IDNK: variants seen among roughly 807,000 people sequenced by gnomAD.
IDNK encodes the protein IDNK gluconokinase.
IDNK carries 9 observed loss-of-function variants against 13.0 expected under a neutral mutation model. That is an observed-to-expected ratio of 0.69 (90% CI 0.42 to 1.21). The LOEUF is 1.21. IDNK is among the 50% of genes most tolerant of loss of function. The pLI, the probability that IDNK is intolerant of heterozygous loss-of-function variation, is 0.00. For missense variants in IDNK, 210 were observed against 237.8 expected (o/e 0.88, Z 0.77); for synonymous variants, 92 against 94.9 (o/e 0.97, Z 0.18).
rs1830902449 is a variant in IDNK, at chr9:83,627,878, A to T, written c.51-303A>T. On this transcript the variant is annotated intron_variant, in intron 1 of 4. Transcript: ENST00000376419. ...CAAAAAAAAAAAAAAAAAAAAAAAA[A>T]TTACACAACAGGGACCAAAAACTGA... 4.6e-5 allele frequency: 4 copies of T among 87,032 alleles called. 1 individual carries two copies. Among genetic ancestry groups the T allele is most frequent in the African/African-American group, 7.0e-5 (1 of 14,348 alleles). The allele number at this position is 87,032 out of a possible 1,614,324, so 5.4% of individuals were successfully genotyped here. A position where few individuals can be genotyped will look rare whatever the true frequency, so the allele number is the denominator to read the frequency against.
intron 3 of IDNK, among the ~76,000 whole-genome samples, chr9:83,638,057 G>GA (rs1243609838): frequency 6.6e-6 from 1 of 151,906 alleles, no homozygotes; most frequent in East Asian, 1.9e-4. Context: ...TAGAATTGGT[G>GA]AAACTGCCCG....
chr9:83,634,862 AT>A (rs1216219433), intron 3 of IDNK, among the ~76,000 whole-genome samples: 1 of 152,130 alleles, frequency 6.6e-6, no homozygotes, highest in South Asian at 2.1e-4. Flanking sequence ...AAAGAAATTA[AT>A]TTTTTTCTGT....
In IDNK at chr9:83,628,114, C is replaced by T. The variant is rs780711137; in HGVS notation, c.51-67C>T. On this transcript the variant is annotated intron_variant, in intron 1 of 4. Transcript: ENST00000376419. ...GGCAGCCATCCCTTTCCCAGACATC[C>T]TTGCACAGAAGGAAGCTCCACACAT... The T allele has an allele frequency of 5.2e-6, 8 of 1,548,462 alleles. No homozygotes were observed. The Middle Eastern group carries it at 5.0e-4, about 97-fold the overall frequency.
intron 1 of IDNK, 95 bp downstream of exon 1, chr9:83,623,316 T>G: frequency 8.8e-7 from 1 of 1,132,440 alleles, no homozygotes; most frequent in South Asian, 1.8e-5. Flanking sequence ...GACTGGGGTC[T>G]TGGGGACCCC....
At chr9:83,634,882 T>C (rs1831122370) in intron 3 of IDNK, among the ~76,000 whole-genome samples, 1 of 152,222 alleles carries the variant, frequency 6.6e-6, no homozygotes, top group Non-Finnish European at 1.5e-5. Context: ...GTGTATTTCA[T>C]CTCTGAGTCA....
At chr9:83,640,759 C>T (rs1025724457) in intron 3 of IDNK, among the ~76,000 whole-genome samples, 1 of 152,138 alleles carries the variant, frequency 6.6e-6, no homozygotes, top group Admixed American at 6.5e-5. Flanking sequence ...GCAGGAGAAT[C>T]GCTTGAACCC....
At chr9:83,642,979 T>C (rs1572135) in intron 4 of IDNK, among the ~76,000 whole-genome samples, 123,026 of 152,146 alleles carry the variant, frequency 0.81, 50,153 homozygotes, top group African/African-American at 0.9. Flanking sequence ...AGTTGTAGAA[T>C]GCAGATCCCT....
At chr9:83,636,425 C>A (rs1306496938) in intron 3 of IDNK, among the ~76,000 whole-genome samples, 1 of 152,160 alleles carries the variant, frequency 6.6e-6, no homozygotes, top group Non-Finnish European at 1.5e-5. Context: ...TCCTTCTTCC[C>A]CATTCCCCAC....
Position 83,643,929 on chromosome 9 carries a change from T to C in IDNK, c.*149T>C, listed in dbSNP as rs1831387832. The stretch of plus-strand genomic sequence containing the variant: ...TCAAGACAGACTTGTTTAGGTGTAA[T>C]TTTAGGAATTATGCTGGTTCATCAG... On this transcript the variant is annotated 3_prime_UTR_variant, in exon 5 of 5. Coordinates refer to ENST00000376419, the MANE Select transcript of IDNK (RefSeq NM_001001551.4). The C allele has an allele frequency of 3.4e-6, 2 of 590,544 alleles. No homozygotes were observed. The highest frequency in any genetic ancestry group is 5.9e-6 in the Non-Finnish European group (2 of 339,238). 36.6% of individuals were successfully genotyped at this position (590,544 alleles called of 1,614,324 possible).
intron 3 of IDNK, among the ~76,000 whole-genome samples, chr9:83,636,520 T>C (rs1487772045): frequency 6.6e-6 from 1 of 152,202 alleles, no homozygotes; most frequent in Non-Finnish European, 1.5e-5. Context: ...CTTCACAGAG[T>C]GTCCAGAACA....
chr9:83,629,062 T>C (rs750366947), intron 3 of IDNK, 103 bp downstream of exon 3: 90 of 886,026 alleles, frequency 1.0e-4, no homozygotes, highest in Admixed American at 4.7e-4. Context: ...CTAAGGTCAC[T>C]GTACAGGGGC....
chr9:83,643,335 G>T (rs1177048680), intron 4 of IDNK, 94 bp from the exon 5 acceptor site: 5 of 953,960 alleles, frequency 5.2e-6, no homozygotes, highest in Admixed American at 2.9e-5. Flanking sequence ...CTGGCAGGAA[G>T]TAGGACTAGA....
intron 1 of IDNK, chr9:83,626,475 G>A (rs41282413): frequency 0.12 from 42,849 of 363,266 alleles, 2,788 homozygotes; most frequent in Non-Finnish European, 0.13. Context: ...GGAGTACAGT[G>A]GCGTGATCTC....
chr9:83,624,445 T>C (rs1830789807), intron 1 of IDNK, among the ~76,000 whole-genome samples: 1 of 152,146 alleles, frequency 6.6e-6, no homozygotes, highest in Non-Finnish European at 1.5e-5. Context: ...ACAGATAAAA[T>C]CCCTGCCCTC....
At chr9:83,635,640 T>C (rs1219643453) in intron 3 of IDNK, among the ~76,000 whole-genome samples, 3 of 152,252 alleles carry the variant, frequency 2.0e-5, no homozygotes, top group Non-Finnish European at 4.4e-5. Context: ...CGCATGACCT[T>C]ACACATCGCT....
rs1831090789 is a variant in IDNK at position 83,633,740 on chromosome 9, G to A, written c.168+4781G>A. On this transcript the variant is annotated intron_variant, in intron 3 of 4. Transcript: ENST00000376419. ...ACTTTACAAATGAACAAAGAGAGGT[G>A]CAGAGAAATTAAGTAACTTGAGCAA... 2.0e-5 allele frequency among the ~76,000 whole-genome samples: 3 copies of A among 152,316 alleles called. No homozygotes were observed. The South Asian group carries it at 6.2e-4, about 32-fold the overall frequency.
At chr9:83,630,925 AACT>A (rs1830992604) in intron 3 of IDNK, among the ~76,000 whole-genome samples, 2 of 152,328 alleles carry the variant, frequency 1.3e-5, no homozygotes, top group Admixed American at 1.3e-4. Flanking sequence ...CAGAAAAAAA[AACT>A]ACAAGCTAGG....
Position 83,643,426 on chromosome 9 carries a change from CAG to C in IDNK, c.214_215del. 1 of 1,567,588 alleles carries C rather than the reference CAG, an allele frequency of 6.4e-7. No individual in the cohort carries two copies. The highest frequency in any genetic ancestry group is 1.7e-4 in the Middle Eastern group (1 of 5,824). On this transcript the variant is annotated splice_acceptor_variant, in intron 4 of 4. Coordinates refer to ENST00000376419, the MANE Select transcript of IDNK (RefSeq NM_001001551.4). LOFTEE classifies it high-confidence loss of function. ...CCTCTTTTTTTTTTCTTTTTCTAAA[CAG>C]AGATGTAGCCTCGGGACAGCGTGTG...
chr9:83,627,434 G>A (rs1362537941), intron 1 of IDNK, among the ~76,000 whole-genome samples: 4 of 152,158 alleles, frequency 2.6e-5, no homozygotes, highest in Non-Finnish European at 5.9e-5. Flanking sequence ...GATACATCAT[G>A]TGGCTCAGAT....
Sources: gnomAD v4.1 joint callset for allele counts (sites outside exome capture counted in the v4.1 genomes callset) on GRCh38, gnomAD v4.1.1 for gene constraint, MANE v1.5 for transcripts, NCBI Gene and HGNC (gene_info 2026-07-23, HGNC 2026-07-21) for gene names.